Variants in BMPER observed in about 807,000 individuals in gnomAD.
The protein encoded by BMPER is BMP binding endothelial regulator, also known as BMP-binding endothelial regulator protein.
Under a neutral mutation model 87.3 loss-of-function variants are expected in BMPER, and 45 were observed. The observed-to-expected ratio is 0.52, with a 90% CI of 0.41 to 0.66. The LOEUF is 0.66. Among genes scored for constraint, BMPER ranks in the 30% least tolerant of loss-of-function variants. The probability of loss-of-function intolerance (pLI) is 0.00; values close to 1 mark genes in which losing one functional copy is unlikely to be tolerated. For synonymous variants in BMPER, 326 were observed against 316.2 expected (o/e 1.03, Z -0.33); for missense variants, 784 against 867.5 (o/e 0.90, Z 1.21).
chr7:34,027,648 G>A (rs1481080773), intron 6 of BMPER, among the ~76,000 whole-genome samples: 1 of 151,982 alleles, frequency 6.6e-6, no homozygotes, highest in African/African-American at 2.4e-5. Flanking sequence ...GACAAATTAT[G>A]GTTATTAAGA....
At chr7:34,064,762 T>C (rs879113872) in intron 11 of BMPER, among the ~76,000 whole-genome samples, 2 of 152,238 alleles carry the variant, frequency 1.3e-5, no homozygotes, top group Admixed American at 1.3e-4. Flanking sequence ...CCTTTGGTGT[T>C]CTTTCCATCT....
Position 33,950,728 on chromosome 7 carries a change from C to T in BMPER, c.319+13340C>T, listed in dbSNP as rs180725310. Among the ~76,000 whole-genome samples, 11 of 152,264 alleles carry T rather than the reference C, an allele frequency of 7.2e-5. No homozygotes were observed. In the Middle Eastern group the frequency reaches 0.01, roughly 141 times the overall value. ...CACAGCCTAATCACGGGAGTGACATCCATCACATTCACAGGTTTTGCCCAC... is the reference window on the plus strand; with the variant it reads ...CACAGCCTAATCACGGGAGTGACATTCATCACATTCACAGGTTTTGCCCAC... On this transcript the variant is annotated intron_variant, in intron 3 of 14. Coordinates refer to ENST00000649409, the MANE Select transcript of BMPER (RefSeq NM_001365308.1).
chr7:34,146,090 AGACT>A (rs1791011154), intron 14 of BMPER, among the ~76,000 whole-genome samples: 1 of 152,100 alleles, frequency 6.6e-6, no homozygotes. Flanking sequence ...GAACTTCCAC[AGACT>A]GACAGTTGGT....
intron 6 of BMPER, among the ~76,000 whole-genome samples, chr7:33,999,028 C>A (rs1019847420): frequency 5.9e-5 from 9 of 152,198 alleles, no homozygotes; most frequent in Admixed American, 5.2e-4. Context: ...CTGCTCTGAG[C>A]CCCTGAACCT....
chr7:33,928,564 A>G (rs575869985), intron 2 of BMPER, among the ~76,000 whole-genome samples: 165 of 149,266 alleles, frequency 1.1e-3, no homozygotes, highest in Middle Eastern at 7.0e-3. Context: ...CCTGTTTTAA[A>G]TCAGACTTCT....
At chr7:34,033,512 A>G (rs1026711737) in intron 6 of BMPER, among the ~76,000 whole-genome samples, 5 of 152,194 alleles carry the variant, frequency 3.3e-5, no homozygotes, top group African/African-American at 9.6e-5. Flanking sequence ...AGCCTTCAGT[A>G]TGTAAGCTTT....
At chr7:33,910,498 C>T (rs865878274) in intron 2 of BMPER, among the ~76,000 whole-genome samples, 7 of 152,170 alleles carry the variant, frequency 4.6e-5, no homozygotes, top group African/African-American at 1.7e-4. Context: ...GAGGACATGG[C>T]GGGAGCCAGT....
Position 33,957,410 on chromosome 7 carries a change from A to G in BMPER, c.320-9069A>G, listed in dbSNP as rs151198723. Among the ~76,000 whole-genome samples, 134 of 151,360 alleles carry G rather than the reference A, an allele frequency of 8.9e-4. 1 individual carries two copies. The Middle Eastern group carries it at 0.02, about 23-fold the overall frequency. On this transcript the variant is annotated intron_variant, in intron 3 of 14. Coordinates refer to ENST00000649409, the MANE Select transcript of BMPER (RefSeq NM_001365308.1). Reference sequence around the variant, plus strand: ...ATTCTGGAATAACAAAATTATAGAAATGGAGAGCTGACTAGTGATTGCCAG... The same window carrying G: ...ATTCTGGAATAACAAAATTATAGAAGTGGAGAGCTGACTAGTGATTGCCAG...
chr7:33,914,869 G>T (rs577876289), intron 2 of BMPER, among the ~76,000 whole-genome samples: 1 of 152,282 alleles, frequency 6.6e-6, no homozygotes, highest in South Asian at 2.1e-4. Flanking sequence ...AAGACTAGTG[G>T]CATTAAACAT....
intron 3 of BMPER, among the ~76,000 whole-genome samples, chr7:33,950,716 C>T (rs901239504): frequency 8.5e-5 from 13 of 152,108 alleles, no homozygotes; most frequent in Non-Finnish European, 1.2e-4. Context: ...AGCCTAATCA[C>T]GGGAGTGACA....
At chr7:34,152,580 G>T (rs1003923272) in intron 14 of BMPER, among the ~76,000 whole-genome samples, 3 of 152,006 alleles carry the variant, frequency 2.0e-5, no homozygotes, top group African/African-American at 7.2e-5. Flanking sequence ...CCCCAGTCTT[G>T]CTCCAACATG....
chr7:34,042,590 C>G (rs1787860339), intron 6 of BMPER: 1 of 152,120 alleles, frequency 6.6e-6, no homozygotes. Context: ...CAATAAAACG[C>G]AACGGTAAGT....
chr7:34,052,655 A>C lies in BMPER; in HGVS notation c.786+685A>C, dbSNP rs544355009. 1.3e-5 allele frequency among the ~76,000 whole-genome samples: 2 copies of C among 152,330 alleles called. 1 individual carries two copies. Among genetic ancestry groups the C allele is most frequent in the Admixed American group, 1.3e-4 (2 of 15,306 alleles). On this transcript the variant is annotated intron_variant, in intron 8 of 14. Transcript: ENST00000649409. ...AATCACATCTGTCTGACAAGTTTAG[A>C]ATACACTTTGGTGGTGATGGTTGTT...
chr7:33,922,475 A>G (rs561361983), intron 2 of BMPER, among the ~76,000 whole-genome samples: 11 of 152,264 alleles, frequency 7.2e-5, no homozygotes, highest in African/African-American at 2.6e-4. Context: ...TGTCCAACTC[A>G]CCTTATTTTA....
At chr7:34,004,072 G>A (rs571708591) in intron 6 of BMPER, among the ~76,000 whole-genome samples, 2 of 152,116 alleles carry the variant, frequency 1.3e-5, no homozygotes, top group East Asian at 3.9e-4. Flanking sequence ...ACATCTCTGA[G>A]ACTCATTTTT....
chr7:33,976,193 C>G (rs1160300032), intron 6 of BMPER, among the ~76,000 whole-genome samples: 1 of 152,032 alleles, frequency 6.6e-6, no homozygotes, highest in Non-Finnish European at 1.5e-5. Context: ...TGCTCTGTCT[C>G]CCAGGCTGCA....
intron 6 of BMPER, among the ~76,000 whole-genome samples, chr7:34,003,341 A>G (rs1368688046): frequency 6.6e-6 from 1 of 151,970 alleles, no homozygotes; most frequent in Non-Finnish European, 1.5e-5. Context: ...AATTTTAACA[A>G]TACAGAAAAA....
At chr7:33,954,755 G>T (rs576392401) in intron 3 of BMPER, among the ~76,000 whole-genome samples, 9 of 152,186 alleles carry the variant, frequency 5.9e-5, no homozygotes, top group Non-Finnish European at 1.2e-4. Flanking sequence ...TTTAATTCCA[G>T]CTTGGATGAG....
chr7:33,927,372 T>C (rs1784385989), intron 2 of BMPER, among the ~76,000 whole-genome samples: 2 of 152,170 alleles, frequency 1.3e-5, no homozygotes, highest in African/African-American at 4.8e-5. Flanking sequence ...GTGACAACCT[T>C]CCAGGGCTGG....
Sources: gnomAD v4.1 joint callset for allele counts (sites outside exome capture counted in the v4.1 genomes callset) on GRCh38, gnomAD v4.1.1 for gene constraint, MANE v1.5 for transcripts, NCBI Gene and HGNC (gene_info 2026-07-23, HGNC 2026-07-21) for gene names.